LNPK: variants seen among roughly 807,000 people sequenced by gnomAD.
LNPK encodes lunapark, ER junction formation factor, also known as endoplasmic reticulum junction formation protein lunapark.
LNPK carries 29 observed loss-of-function variants against 55.2 expected under a neutral mutation model. The ratio of observed to expected loss-of-function variants is 0.53; its 90% CI spans 0.39 to 0.72. LNPK has a LOEUF of 0.72. LNPK is among the 30% of genes least tolerant of loss of function. The pLI is 0.00. For synonymous variants in LNPK, 162 were observed against 168.2 expected (o/e 0.96, Z 0.29); for missense variants, 467 against 494.8 (o/e 0.94, Z 0.53).
rs546558120 is a variant in LNPK at position 175,962,533 on chromosome 2, C to T, written c.493+1839G>A. On this transcript the variant is annotated intron_variant, in intron 8 of 12. Transcript: ENST00000272748. ...AAGCTGAAACTGCATCCCTTCCTTA[C>T]ACCTTATACAAAAATTAATTCAAGA... 7.4e-4 allele frequency among the ~76,000 whole-genome samples: 112 copies of T among 152,294 alleles called. No individual in the cohort carries two copies. The East Asian group carries it at 0.014, about 19-fold the overall frequency.
At chr2:175,994,367 T>C (rs985881474) in intron 2 of LNPK, 11 of 978,054 alleles carry the variant, frequency 1.1e-5, no homozygotes, top group African/African-American at 5.3e-5. Flanking sequence ...ATAATGCTGA[T>C]CCAAAACAAG....
chr2:175,961,460 T>A (rs1686025461), intron 8 of LNPK, among the ~76,000 whole-genome samples: 1 of 152,184 alleles, frequency 6.6e-6, no homozygotes, highest in Non-Finnish European at 1.5e-5. Context: ...ACCACATGAT[T>A]ATCTCAATAG....
intron 4 of LNPK, among the ~76,000 whole-genome samples, chr2:175,981,448 G>C (rs1304489598): frequency 1.3e-5 from 2 of 152,166 alleles, no homozygotes; most frequent in Non-Finnish European, 2.9e-5. Context: ...AAAGTGAGTA[G>C]GATCACACCA....
intron 5 of LNPK, among the ~76,000 whole-genome samples, chr2:175,978,215 C>A (rs1239477997): frequency 6.6e-6 from 1 of 151,860 alleles, no homozygotes; most frequent in Non-Finnish European, 1.5e-5. Context: ...AATATAGCAA[C>A]TATTTATATA....
At chr2:175,952,744 A>G (rs1685486257) in intron 8 of LNPK, among the ~76,000 whole-genome samples, 1 of 151,940 alleles carries the variant, frequency 6.6e-6, no homozygotes, top group African/African-American at 2.4e-5. Flanking sequence ...ACCCAACTCA[A>G]TCTGGTTTTT....
At chr2:175,939,504 C>A in intron 10 of LNPK, 48 bp downstream of exon 10, 1 of 1,066,182 alleles carries the variant, frequency 9.4e-7, no homozygotes, top group Non-Finnish European at 1.4e-6. Flanking sequence ...CACACACACA[C>A]ACATCCTGTT....
Position 175,998,035 on chromosome 2 carries a change from G to A in LNPK, c.-62-2389C>T, listed in dbSNP as rs368107338. On this transcript the variant is annotated intron_variant, in intron 1 of 12. Coordinates refer to ENST00000272748, the MANE Select transcript of LNPK (RefSeq NM_030650.3). ...GGGGATTATAGGCATGAGGCACCAC[G>A]CCCGGCCCAAATACTTTATATTAAT... Among the ~76,000 whole-genome samples the A allele has an allele frequency of 1.3e-4, 19 of 151,884 alleles. No individual in the cohort carries two copies. The East Asian group carries it at 3.1e-3, about 25-fold the overall frequency.
chr2:175,990,274 A>T (rs1312074847), intron 4 of LNPK, among the ~76,000 whole-genome samples: 1 of 152,148 alleles, frequency 6.6e-6, no homozygotes, highest in East Asian at 1.9e-4. Flanking sequence ...TTTGCCCTCT[A>T]TTAGTTCCTG....
chr2:175,996,871 CTTTT>C (rs1687958265), intron 1 of LNPK, among the ~76,000 whole-genome samples: 1 of 152,110 alleles, frequency 6.6e-6, no homozygotes, highest in African/African-American at 2.4e-5. Context: ...AATTTTTATT[CTTTT>C]AAGTTGAAAT....
rs779987478 is a variant in LNPK at position 175,947,651 on chromosome 2, T to C, written c.535A>G (p.Thr179Ala). The change falls in exon 9 of 13, where the codon ACA becomes GCA. Residue 179 changes from threonine to alanine, a missense_variant. Thr to Ala is a moderately conservative substitution (Grantham distance 58). Transcript: ENST00000272748. ...RTAAQRNLSPTPASPNQGPPP... is the reference protein window; with the variant it reads ...RTAAQRNLSPAPASPNQGPPP... The stretch of plus-strand genomic sequence containing the variant: ...GGGCCCTGGTTAGGGCTTGCTGGTG[T>C]TGGAGAAAGGTTTCTTTGAGCTGCA... 4.3e-6 allele frequency: 7 copies of C among 1,613,570 alleles called. No homozygotes were observed. In the African/African-American group the frequency reaches 8.0e-5, roughly 18 times the overall value.
chr2:175,966,873 C>T (rs1286330072), intron 6 of LNPK, among the ~76,000 whole-genome samples: 1 of 152,172 alleles, frequency 6.6e-6, no homozygotes, highest in Non-Finnish European at 1.5e-5. Context: ...CATAGCACTA[C>T]TGTGCAATTT....
intron 9 of LNPK, among the ~76,000 whole-genome samples, chr2:175,943,226 A>C (rs1375692563): frequency 1.4e-5 from 2 of 146,824 alleles, no homozygotes; most frequent in South Asian, 2.2e-4. Context: ...AAAAAAAAAA[A>C]CACCTTTTTC....
chr2:175,942,745 A>G lies in LNPK; in HGVS notation c.707-3088T>C, dbSNP rs576013902. On this transcript the variant is annotated intron_variant, in intron 9 of 12. Coordinates refer to ENST00000272748, the MANE Select transcript of LNPK (RefSeq NM_030650.3). ...AAAGAAGATAGGACTAAAATCCATAATTTCAGCTTCCACATTAAGAAACTA... is the reference window on the plus strand; with the variant it reads ...AAAGAAGATAGGACTAAAATCCATAGTTTCAGCTTCCACATTAAGAAACTA... 1.6e-3 allele frequency among the ~76,000 whole-genome samples: 239 copies of G among 151,798 alleles called. 1 individual carries two copies. Among genetic ancestry groups the G allele is most frequent in the Non-Finnish European group, 2.9e-3 (199 of 67,826 alleles).
At chr2:175,962,659 C>A (rs575391588) in intron 8 of LNPK, among the ~76,000 whole-genome samples, 282 of 152,230 alleles carry the variant, frequency 1.9e-3, no homozygotes, top group Non-Finnish European at 3.0e-3. Flanking sequence ...GACTTCATGT[C>A]TAAAACACTA....
chr2:175,976,753 T>C (rs1386909561), intron 5 of LNPK, among the ~76,000 whole-genome samples: 1 of 152,186 alleles, frequency 6.6e-6, no homozygotes, highest in South Asian at 2.1e-4. Context: ...CCTGCTAGCT[T>C]TCAGACTAGA....
Position 175,943,043 on chromosome 2 carries a change from T to A in LNPK, c.707-3386A>T, listed in dbSNP as rs1034355990. ...ACTATTACAAGCAACTTAATGCCAA[T>A]AAATTCTATAGGTTAGATAAAATGG... On this transcript the variant is annotated intron_variant, in intron 9 of 12. Coordinates refer to ENST00000272748, the MANE Select transcript of LNPK (RefSeq NM_030650.3). Among the ~76,000 whole-genome samples the A allele has an allele frequency of 9.9e-5, 15 of 151,602 alleles. No homozygotes were observed. The East Asian group carries it at 2.9e-3, about 29-fold the overall frequency.
chr2:175,952,378 A>G (rs1685464907), intron 8 of LNPK, among the ~76,000 whole-genome samples: 1 of 151,952 alleles, frequency 6.6e-6, no homozygotes, highest in African/African-American at 2.4e-5. Context: ...ATTTTATACT[A>G]TAGTACTATA....
Position 175,995,550 on chromosome 2 carries a change from T to A in LNPK, c.27+8A>T. The A allele has an allele frequency of 6.2e-7, 1 of 1,607,032 alleles. No homozygotes were observed. Among genetic ancestry groups the A allele is most frequent in the Non-Finnish European group, 8.5e-7 (1 of 1,175,208 alleles). On this transcript the variant is annotated splice_region_variant and intron_variant, in intron 2 of 12. Coordinates refer to ENST00000272748, the MANE Select transcript of LNPK (RefSeq NM_030650.3). ...CTCAAGAACTAGCTGTAAAGAAAAG[T>A]ACCTTACCCTCCATCGAGAAAATAA...
At chr2:175,994,333 T>C (rs1390203965) in intron 2 of LNPK, 19 of 984,258 alleles carry the variant, frequency 1.9e-5, no homozygotes, top group East Asian at 1.1e-4. Flanking sequence ...GGGCAGATTA[T>C]TATAAGGTCA....
Sources: allele counts gnomAD v4.1 joint callset (sites outside exome capture counted in the v4.1 genomes callset), GRCh38; gene constraint gnomAD v4.1.1; transcripts MANE v1.5; gene names NCBI Gene and HGNC (gene_info 2026-07-23, HGNC 2026-07-21).